The following ZBTB33 variants were observed in gnomAD, a reference collection of about 807,000 sequenced individuals.
ZBTB33 encodes the protein transcriptional regulator Kaiso.
Under a neutral mutation model 25.9 loss-of-function variants are expected in ZBTB33, and 11 were observed. The ratio of observed to expected loss-of-function variants is 0.42; its 90% confidence interval spans 0.27 to 0.70. The LOEUF is 0.70. ZBTB33 is among the 30% of genes least tolerant of loss of function. ZBTB33 has a pLI of 0.23. For synonymous variants in ZBTB33, 157 were observed against 184.8 expected (o/e 0.85, Z 1.22); for missense variants, 343 against 501.1 (o/e 0.68, Z 3.01).
Position 120,255,611 on chromosome X carries a change from A to G in ZBTB33, c.*177A>G, listed in dbSNP as rs1389971375. On this transcript the variant is annotated 3_prime_UTR_variant, in exon 3 of 3. Transcript: ENST00000557385. ...GCAAATTTTCCTGAAAGTTTTGAGT[A>G]GAGGTGAGACCCCCTCCCCAAGTAT... 8.9e-6 allele frequency: 4 copies of G among 448,573 alleles called. No individual in the cohort carries two copies. The African/African-American group carries it at 9.9e-5, about 11-fold the overall frequency. 37.0% of individuals were successfully genotyped at this position (448,573 alleles called of 1,213,427 possible).
rs782195625 is a variant in ZBTB33, at chrX:120,255,332, C to G, written c.1917C>G (p.Thr639=). The G allele has an allele frequency of 2.6e-5, 32 of 1,211,157 alleles. No homozygotes were observed. The highest frequency in any genetic ancestry group is 3.5e-5 in the Non-Finnish European group (31 of 895,002). ...TTTSTQNKPM[T]WEDIFIQQEN... ...CATCTACTCAGAACAAGCCAATGAC[C>G]TGGGAAGATATTTTTATTCAGCAGG... Residue 639 remains threonine (T), a synonymous_variant, in exon 3 of 3, where the codon ACC becomes ACG. Coordinates refer to ENST00000557385, the MANE Select transcript of ZBTB33 (RefSeq NM_001184742.2).
At position 120,254,148 on chromosome X, in the gene ZBTB33, C is replaced by T. The variant is rs372091616; in HGVS notation, c.733C>T (p.Pro245Ser). Reference sequence around the variant, plus strand: ...CTCGCCCCCTTTAACAAATATCACACCTACTCAGAAACTTCCTACTCCTGT... The same window carrying T: ...CTCGCCCCCTTTAACAAATATCACATCTACTCAGAAACTTCCTACTCCTGT... ...NNSPPLTNIT[P>S]TQKLPTPVNQ... is the part of the protein sequence containing the mutation. Residue 245 changes from proline (P) to serine (S), a missense_variant, in exon 3 of 3, where the codon CCT becomes TCT. Around this residue, in one of 2 missense-constraint regions of ZBTB33, gnomAD observed 304 missense variants for 410.0 expected, o/e 0.74. Transcript: ENST00000557385. 1.7e-6 allele frequency: 2 copies of T among 1,209,547 alleles called. No individual in the cohort carries two copies. Among genetic ancestry groups the T allele is most frequent in the East Asian group, 3.0e-5 (1 of 33,778 alleles).
chrX:120,252,857 G>C (rs782062265), intron 2 of ZBTB33, 87 bp downstream of exon 2: 4 of 112,254 alleles, frequency 3.6e-5, no homozygotes, highest in Non-Finnish European at 5.6e-5. Context: ...GGTAATAATT[G>C]TCAGTGTTTA....
chrX:120,258,132 A>G lies in ZBTB33; in HGVS notation c.*2698A>G, dbSNP rs1352531471. 2 of 123,362 alleles carry G rather than the reference A, an allele frequency of 1.6e-5. No individual in the cohort carries two copies. Among genetic ancestry groups the G allele is most frequent in the East Asian group, 5.5e-4 (2 of 3,628 alleles). 10.2% of individuals were successfully genotyped at this position (123,362 alleles called of 1,213,427 possible). On this transcript the variant is annotated 3_prime_UTR_variant, in exon 3 of 3. Coordinates refer to ENST00000557385, the MANE Select transcript of ZBTB33 (RefSeq NM_001184742.2). ...TAATGCCGCATTTTTCCCCCATTGT[A>G]CCAAAAAGATAAAAAAATGGTAAAC...
At position 120,253,556 on chromosome X, in the gene ZBTB33, G is replaced by A; in HGVS notation, c.141G>A (p.Lys47=). 8.3e-7 allele frequency: 1 copy of A among 1,212,091 alleles called. No individual in the cohort carries two copies. The change falls in exon 3 of 3, where the codon AAG becomes AAA. Residue 47 remains lysine, a synonymous_variant. Coordinates refer to ENST00000557385, the MANE Select transcript of ZBTB33 (RefSeq NM_001184742.2). Reference sequence around the variant, plus strand: ...AAGACCGAAAATTCCGGGCTCACAAGAATATTCTTTCAGCTTCTAGTACCT... The same window carrying A: ...AAGACCGAAAATTCCGGGCTCACAAAAATATTCTTTCAGCTTCTAGTACCT... ...IVEDRKFRAH[K]NILSASSTYF...
At position 120,254,767 on chromosome X, in the gene ZBTB33, AC is replaced by A; in HGVS notation, c.1355del (p.Pro452LeufsTer25). On this transcript the variant is annotated frameshift_variant, in exon 3 of 3. Transcript: ENST00000557385. LOFTEE classifies it high-confidence loss of function. The stretch of plus-strand genomic sequence containing the variant: ...GATATAGTGATCCCTGTCAAAGATG[AC>A]CCTGATGAAGGGGAGGCCAGACTTG... ...TYDIVIPVKD[D>X]PDEGEARLEN... The A allele has an allele frequency of 8.3e-7, 1 of 1,211,809 alleles. No homozygotes were observed. The highest frequency in any genetic ancestry group is 1.1e-6 in the Non-Finnish European group (1 of 895,475).
In ZBTB33 at chrX:120,256,640, T is replaced by A. The variant is rs1167623165; in HGVS notation, c.*1206T>A. ...TCTTGACAACAATAAATACCACTTTTAAAAATGACACATATTTAAACACTT... is the reference window on the plus strand; with the variant it reads ...TCTTGACAACAATAAATACCACTTTAAAAAATGACACATATTTAAACACTT... On this transcript the variant is annotated 3_prime_UTR_variant, in exon 3 of 3. Coordinates refer to ENST00000557385, the MANE Select transcript of ZBTB33 (RefSeq NM_001184742.2). 1.6e-5 allele frequency: 2 copies of A among 123,112 alleles called. No individual in the cohort carries two copies. The highest frequency in any genetic ancestry group is 3.2e-5 in the African/African-American group (1 of 30,796). 10.1% of individuals were successfully genotyped at this position (123,112 alleles called of 1,213,427 possible). A position where few individuals can be genotyped will look rare whatever the true frequency, so the allele number is the denominator to read the frequency against.
chrX:120,254,541 C>T lies in ZBTB33; in HGVS notation c.1126C>T (p.Gln376Ter). 8.3e-7 allele frequency: 1 copy of T among 1,211,324 alleles called. No homozygotes were observed. Among genetic ancestry groups the T allele is most frequent in the Non-Finnish European group, 1.1e-6 (1 of 895,248 alleles). The change falls in exon 3 of 3, where the codon CAG (glutamine) becomes TAG (stop). Residue 376 changes from glutamine to a stop codon, truncating the protein, a stop_gained. Transcript: ENST00000557385. LOFTEE classifies it high-confidence loss of function. ...SFDGSLIQKMQIPTLLQEPLS... is the reference protein window; with the variant it reads ...SFDGSLIQKM ...TGATGGATCATTAATACAGAAGATGCAGATTCCTACACTTCTTCAAGAACC... is the reference window on the plus strand; with the variant it reads ...TGATGGATCATTAATACAGAAGATGTAGATTCCTACACTTCTTCAAGAACC...
rs1556014989 is a variant in ZBTB33, at chrX:120,254,518, A to G, written c.1103A>G (p.Asp368Gly). ...QADTSQNTSF[D>G]GSLIQKMQIP... is the part of the protein sequence containing the mutation. ...GATACCTCCCAAAATACCAGTTTTG[A>G]TGGATCATTAATACAGAAGATGCAG... Residue 368 changes from aspartate to glycine, a missense_variant, in exon 3 of 3, where the codon GAT becomes GGT. Asp to Gly is a moderately conservative substitution (Grantham distance 94). Around this residue, in one of 2 missense-constraint regions of ZBTB33, gnomAD observed 304 missense variants for 410.0 expected, o/e 0.74. Coordinates refer to ENST00000557385, the MANE Select transcript of ZBTB33 (RefSeq NM_001184742.2). The G allele has an allele frequency of 2.5e-6, 3 of 1,210,163 alleles. No homozygotes were observed. The highest frequency in any genetic ancestry group is 3.5e-5 in the African/African-American group (2 of 57,181).
rs782244692 is a variant in ZBTB33 at position 120,254,041 on chromosome X, C to T, written c.626C>T (p.Pro209Leu). 6.6e-6 allele frequency: 8 copies of T among 1,207,711 alleles called. No homozygotes were observed. Among genetic ancestry groups the T allele is most frequent in the Admixed American group, 2.2e-5 (1 of 45,612 alleles). ...SEILPTKETL[P>L]SNNTVAQVQS... ...ATTCTGCCCACAAAGGAGACTTTGC[C>T]GAGTAATAACACAGTGGCACAGGTC... The change falls in exon 3 of 3, where the codon CCG becomes CTG. Residue 209 changes from proline to leucine, a missense_variant. Coordinates refer to ENST00000557385, the MANE Select transcript of ZBTB33 (RefSeq NM_001184742.2).
chrX:120,257,589 CTG>C lies in ZBTB33; in HGVS notation c.*2158_*2159del, dbSNP rs1254059668. ...AAATTCTGAATATGACATTTAAACT[CTG>C]TGCCTACTAAAGGTATCTTCTGGAG... On this transcript the variant is annotated 3_prime_UTR_variant, in exon 3 of 3. Coordinates refer to ENST00000557385, the MANE Select transcript of ZBTB33 (RefSeq NM_001184742.2). 1 of 123,410 alleles carries C rather than the reference CTG, an allele frequency of 8.1e-6. No homozygotes were observed. The highest frequency in any genetic ancestry group is 1.9e-5 in the Non-Finnish European group (1 of 53,207). The allele number at this position is 123,410 out of a possible 1,213,427, so 10.2% of individuals were successfully genotyped here.
In ZBTB33 at chrX:120,257,477, G is replaced by GTACTTGTAGAATGTAGAT. The variant is rs1297874468; in HGVS notation, c.*2043_*2044insTACTTGTAGAATGTAGAT. The GTACTTGTAGAATGTAGAT allele has an allele frequency of 2.4e-5, 3 of 122,849 alleles. No homozygotes were observed. Among genetic ancestry groups the GTACTTGTAGAATGTAGAT allele is most frequent in the Non-Finnish European group, 5.7e-5 (3 of 53,070 alleles). The allele number at this position is 122,849 out of a possible 1,213,427, so 10.1% of individuals were successfully genotyped here. A position where few individuals can be genotyped will look rare whatever the true frequency, so the allele number is the denominator to read the frequency against. On this transcript the variant is annotated 3_prime_UTR_variant, in exon 3 of 3. Transcript: ENST00000557385. ...TTGGCAGATTCTACAAGTCTATTAT[G>GTACTTGTAGAATGTAGAT]ACAAACCAGGAACTAATTCTATAAT...
Position 120,254,944 on chromosome X carries a change from G to A in ZBTB33, c.1529G>A (p.Arg510Gln). 2 of 1,211,954 alleles carry A rather than the reference G, an allele frequency of 1.7e-6. No individual in the cohort carries two copies. Among genetic ancestry groups the A allele is most frequent in the Non-Finnish European group, 2.2e-6 (2 of 895,503 alleles). Reference protein sequence around the residue: ...KRSYVCLTSLRRHFNIHSWEK... With the variant: ...KRSYVCLTSLQRHFNIHSWEK... ...TCATATGTCTGTCTGACAAGCTTGC[G>A]GAGACATTTTAACATTCATTCTTGG... The change falls in exon 3 of 3, where the codon CGG becomes CAG. Residue 510 changes from arginine to glutamine, a missense_variant. By Grantham distance (43) the Arg-to-Gln change is conservative. Coordinates refer to ENST00000557385, the MANE Select transcript of ZBTB33 (RefSeq NM_001184742.2).
At chrX:120,253,129 G>T (rs1192296957) in intron 2 of ZBTB33, among the ~76,000 whole-genome samples, 34 of 111,469 alleles carry the variant, frequency 3.1e-4, no homozygotes, top group Non-Finnish European at 1.3e-4. Flanking sequence ...ATCACTTAGT[G>T]GAGGTGCATG....
Position 120,254,125 on chromosome X carries a change from C to T in ZBTB33, c.710C>T (p.Ser237Leu), listed in dbSNP as rs1556014857. ...SDVAPSASNN[S>L]PPLTNITPTQ... ...GTTGCACCTAGTGCTAGCAATAACT[C>T]GCCCCCTTTAACAAATATCACACCT... Residue 237 changes from serine to leucine, a missense_variant, in exon 3 of 3, where the codon TCG (serine) becomes TTG (leucine). Ser to Leu is a moderately radical substitution (Grantham distance 145, BLOSUM62 -2). Transcript: ENST00000557385. 9.9e-6 allele frequency: 12 copies of T among 1,209,244 alleles called. No homozygotes were observed. The highest frequency in any genetic ancestry group is 1.8e-5 in the South Asian group (1 of 56,767).
Position 120,254,779 on chromosome X carries a change from G to A in ZBTB33, c.1364G>A (p.Gly455Glu). The change falls in exon 3 of 3, where the codon GGG (glycine) becomes GAG (glutamate). Residue 455 changes from glycine (G) to glutamate (E), a missense_variant. Gly to Glu is a moderately conservative substitution (Grantham distance 98). Around this residue, in one of 2 missense-constraint regions of ZBTB33, gnomAD observed 304 missense variants for 410.0 expected, o/e 0.74. Transcript: ENST00000557385. ...CCTGTCAAAGATGACCCTGATGAAG[G>A]GGAGGCCAGACTTGAGAATGAAATA... Reference protein sequence around the residue: ...VIPVKDDPDEGEARLENEIPK... With the variant: ...VIPVKDDPDEEEARLENEIPK... 8.3e-7 allele frequency: 1 copy of A among 1,211,715 alleles called. No homozygotes were observed. The highest frequency in any genetic ancestry group is 1.1e-6 in the Non-Finnish European group (1 of 895,481).
rs58628009 is a variant in ZBTB33, at chrX:120,256,425, C to A, written c.*991C>A. 8.2e-6 allele frequency: 1 copy of A among 121,632 alleles called. No individual in the cohort carries two copies. Among genetic ancestry groups the A allele is most frequent in the Non-Finnish European group, 1.9e-5 (1 of 52,739 alleles). 10.0% of individuals were successfully genotyped at this position (121,632 alleles called of 1,213,427 possible). ...CATATATTTTTAAATGTTCATATTG[C>A]GTAGAATCTCCACTAGGAAGTCTTT... On this transcript the variant is annotated 3_prime_UTR_variant, in exon 3 of 3. Coordinates refer to ENST00000557385, the MANE Select transcript of ZBTB33 (RefSeq NM_001184742.2).
rs1193827354 is a variant in ZBTB33 at position 120,255,912 on chromosome X, A to G, written c.*478A>G. 1 of 125,729 alleles carries G rather than the reference A, an allele frequency of 8.0e-6. No homozygotes were observed. Among genetic ancestry groups the G allele is most frequent in the Non-Finnish European group, 1.8e-5 (1 of 54,793 alleles). The allele number at this position is 125,729 out of a possible 1,213,427, so 10.4% of individuals were successfully genotyped here. On this transcript the variant is annotated 3_prime_UTR_variant, in exon 3 of 3. Transcript: ENST00000557385. Reference sequence around the variant, plus strand: ...TTTTAGAGTTGTTCTGGAAAATGTCAGAATAAGTCAGTACTTGGGTTGTGT... The same window carrying G: ...TTTTAGAGTTGTTCTGGAAAATGTCGGAATAAGTCAGTACTTGGGTTGTGT...
Position 120,253,875 on chromosome X carries a change from G to A in ZBTB33, c.460G>A (p.Asp154Asn), listed in dbSNP as rs2057616506. Residue 154 changes from aspartate (D) to asparagine (N), a missense_variant, in exon 3 of 3, where the codon GAT becomes AAT. Coordinates refer to ENST00000557385, the MANE Select transcript of ZBTB33 (RefSeq NM_001184742.2). The stretch of plus-strand genomic sequence containing the variant: ...GAACCTTGTAATACAGAAATCAAAA[G>A]ATGAAGCCCAAGATAATGGGGCTAC... ...DKNLVIQKSKDEAQDNGATIM... is the reference protein window; with the variant it reads ...DKNLVIQKSKNEAQDNGATIM... The A allele has an allele frequency of 8.3e-7, 1 of 1,211,296 alleles. No individual in the cohort carries two copies. Among genetic ancestry groups the A allele is most frequent in the Non-Finnish European group, 1.1e-6 (1 of 895,406 alleles).
Sources: allele counts gnomAD v4.1 joint callset (sites outside exome capture counted in the v4.1 genomes callset), GRCh38; gene constraint gnomAD v4.1.1; regional missense constraint gnomAD v4.1.1; transcripts MANE v1.5; gene names NCBI Gene and HGNC (gene_info 2026-07-23, HGNC 2026-07-21).